The following FBXO34 variants were observed in gnomAD, a reference collection of about 807,000 sequenced individuals.
FBXO34 encodes the protein F-box protein 34.
In FBXO34, 12 loss-of-function variants were observed where a neutral mutation model predicts 24.5. That is an observed-to-expected ratio of 0.49 (90% CI 0.31 to 0.79). The LOEUF is 0.79. FBXO34 is among the 30% of genes least tolerant of loss of function. FBXO34 has a pLI of 0.04. For missense variants in FBXO34, 823 were observed against 857.7 expected (o/e 0.96, Z 0.51); for synonymous variants, 320 against 311.9 (o/e 1.03, Z -0.27).
At chr14:55,425,581 A>C in the FBXO34 span, among the ~76,000 whole-genome samples, 2 of 152,066 alleles carry the variant, frequency 1.3e-5, no homozygotes, top group Non-Finnish European at 2.9e-5. Flanking sequence ...AGAGAAAGAG[A>C]GTGGTTTTGG....
chr14:55,342,445 G>C (rs937528238), intron 1 of FBXO34, among the ~76,000 whole-genome samples: 3 of 152,056 alleles, frequency 2.0e-5, no homozygotes, highest in Non-Finnish European at 2.9e-5. Context: ...AAAATAAAAG[G>C]GAGTGGACTG....
intron 1 of FBXO34, among the ~76,000 whole-genome samples, chr14:55,296,480 C>G (rs1368100923): frequency 7.2e-6 from 1 of 139,348 alleles, no homozygotes; most frequent in East Asian, 2.1e-4. Flanking sequence ...ACTGCAACCT[C>G]TGCCTTCAGG....
intron 1 of FBXO34, among the ~76,000 whole-genome samples, chr14:55,312,411 C>G (rs1882775507): frequency 6.6e-6 from 1 of 152,068 alleles, no homozygotes; most frequent in Non-Finnish European, 1.5e-5. Flanking sequence ...CTGTCAGTGG[C>G]CCTACCATTC....
chr14:55,397,943 CTTT>C, the FBXO34 span, among the ~76,000 whole-genome samples: 11 of 105,538 alleles, frequency 1.0e-4, no homozygotes, highest in South Asian at 6.6e-4. Flanking sequence ...TGCAGTAATT[CTTT>C]TTTTTTTTTT....
the FBXO34 span, among the ~76,000 whole-genome samples, chr14:55,377,487 G>A: frequency 1.3e-5 from 2 of 152,154 alleles, no homozygotes; most frequent in Non-Finnish European, 2.9e-5. Flanking sequence ...GTCCAGGAAG[G>A]GCTGGAGAAG....
intron 1 of FBXO34, among the ~76,000 whole-genome samples, chr14:55,333,724 T>TC (rs914100349): frequency 8.0e-5 from 12 of 149,376 alleles, no homozygotes; most frequent in African/African-American, 2.9e-4. Context: ...TGGGGTGGCT[T>TC]TTTTTTTTTA....
rs191498083 is a variant in FBXO34 at position 55,291,795 on chromosome 14, A to G, written c.-11+20258A>G. ...AGACCACCCTAGGCAACATAGGGAG[A>G]CCCTGTCTTTAGAAAAAAAATAGCT... On this transcript the variant is annotated intron_variant, in intron 1 of 1. Transcript: ENST00000313833. 1.9e-3 allele frequency among the ~76,000 whole-genome samples: 289 copies of G among 151,588 alleles called. 1 individual carries two copies. Among genetic ancestry groups the G allele is most frequent in the Non-Finnish European group, 3.7e-3 (250 of 67,878 alleles).
the FBXO34 span, among the ~76,000 whole-genome samples, chr14:55,383,585 CA>C: frequency 6.7e-6 from 1 of 148,374 alleles, no homozygotes; most frequent in Non-Finnish European, 1.5e-5. Flanking sequence ...ACAACAACAA[CA>C]ACAAAAAAAA....
intron 1 of FBXO34, among the ~76,000 whole-genome samples, chr14:55,295,519 C>T (rs1301039673): frequency 1.3e-5 from 2 of 151,468 alleles, no homozygotes; most frequent in African/African-American, 2.4e-5. Flanking sequence ...CTCAGCCTCC[C>T]GAGTAGCTGG....
chr14:55,327,857 C>G (rs1256202070), intron 1 of FBXO34, among the ~76,000 whole-genome samples: 1 of 147,530 alleles, frequency 6.8e-6, no homozygotes, highest in African/African-American at 2.5e-5. Context: ...AAGATTCATC[C>G]TTACCACAGA....
At chr14:55,281,209 G>T (rs1265181911) in intron 1 of FBXO34, among the ~76,000 whole-genome samples, 1 of 143,604 alleles carries the variant, frequency 7.0e-6, no homozygotes, top group African/African-American at 2.6e-5. Flanking sequence ...AGCTATGATC[G>T]TGCCACTGGA....
downstream of FBXO34, among the ~76,000 whole-genome samples, chr14:55,363,142 A>G (rs114169057): frequency 0.013 from 1,830 of 142,266 alleles, 44 homozygotes; most frequent in African/African-American, 0.045. Context: ...CCCGCGTCAG[A>G]CTCCTGAGTA....
the FBXO34 span, among the ~76,000 whole-genome samples, chr14:55,423,508 G>A: frequency 2.4e-4 from 37 of 152,202 alleles, no homozygotes; most frequent in Non-Finnish European, 1.5e-5. Flanking sequence ...GGGACAATAC[G>A]TTTGATTCAA....
chr14:55,365,855 TG>T (rs1390892488), downstream of FBXO34, among the ~76,000 whole-genome samples: 1 of 152,178 alleles, frequency 6.6e-6, no homozygotes, highest in Non-Finnish European at 1.5e-5. Context: ...TAGTCACTCT[TG>T]GTATCTTCTC....
chr14:55,405,977 G>A, the FBXO34 span, among the ~76,000 whole-genome samples: 1 of 152,170 alleles, frequency 6.6e-6, no homozygotes, highest in East Asian at 1.9e-4. Context: ...AGGAAAGGAT[G>A]ATGTGGGTGA....
chr14:55,317,278 A>G (rs1882963970), intron 1 of FBXO34, among the ~76,000 whole-genome samples: 2 of 152,316 alleles, frequency 1.3e-5, no homozygotes, highest in South Asian at 4.1e-4. Context: ...ATTTAAAATT[A>G]TACAAATTTG....
intron 1 of FBXO34, among the ~76,000 whole-genome samples, chr14:55,334,299 T>G (rs1883697632): frequency 6.6e-6 from 1 of 152,196 alleles, no homozygotes; most frequent in Admixed American, 6.5e-5. Context: ...ATGAGATGCT[T>G]GCTGACTGGC....
At chr14:55,379,974 C>A in the FBXO34 span, among the ~76,000 whole-genome samples, 1 of 152,170 alleles carries the variant, frequency 6.6e-6, no homozygotes. Context: ...CAGGGCAGGG[C>A]ACAGTGGCTC....
chr14:55,364,897 T>C (rs536861376), downstream of FBXO34, among the ~76,000 whole-genome samples: 1 of 151,274 alleles, frequency 6.6e-6, no homozygotes, highest in East Asian at 1.9e-4. Context: ...CGACCATGCC[T>C]GGCTAATTTT....
Sources: gnomAD v4.1 joint callset for allele counts (sites outside exome capture counted in the v4.1 genomes callset) on GRCh38, gnomAD v4.1.1 for gene constraint, MANE v1.5 for transcripts, NCBI Gene and HGNC (gene_info 2026-07-23, HGNC 2026-07-21) for gene names.